The following AGPAT3 variants were observed in gnomAD, a reference collection of about 807,000 sequenced individuals.
AGPAT3 encodes 1-acylglycerol-3-phosphate O-acyltransferase 3.
A neutral mutation model predicts 47.3 loss-of-function variants in AGPAT3; 5 were observed. The observed-to-expected ratio is 0.11, with a 90% confidence interval of 0.06 to 0.22. The LOEUF (loss-of-function observed/expected upper bound fraction) is 0.22. Ranked by LOEUF, AGPAT3 falls within the 10% of genes least tolerant of loss-of-function variation. AGPAT3 has a pLI of 1.00. For synonymous variants in AGPAT3, 212 were observed against 208.3 expected (o/e 1.02, Z -0.15); for missense variants, 315 against 493.0 (o/e 0.64, Z 3.42).
In AGPAT3 at chr21:43,981,489, C is replaced by A. The variant is rs1483951609; in HGVS notation, c.1042+302C>A. The A allele has an allele frequency of 4.3e-6, 2 of 467,860 alleles. No individual in the cohort carries two copies. Among genetic ancestry groups the A allele is most frequent in the Non-Finnish European group, 7.9e-6 (2 of 254,594 alleles). The allele number at this position is 467,860 out of a possible 1,614,324, so 29.0% of individuals were successfully genotyped here. A position where few individuals can be genotyped will look rare whatever the true frequency, so the allele number is the denominator to read the frequency against. On this transcript the variant is annotated intron_variant, in intron 9 of 9. Coordinates refer to ENST00000291572, the MANE Select transcript of AGPAT3 (RefSeq NM_020132.5). The surrounding 1 kb of genome is among the most constrained non-coding windows in gnomAD (Gnocchi z 5.3). ...GGTCCCCGAGAGGGTCCCCAGCCCC[C>A]CTGTCTGCTTTTGGGCTCTTAGGGG...
chr21:43,880,446 G>A lies in AGPAT3; in HGVS notation c.-112+15101G>A, dbSNP rs1037180828. Among the ~76,000 whole-genome samples the A allele has an allele frequency of 1.3e-5, 2 of 152,240 alleles. No individual in the cohort carries two copies. The highest frequency in any genetic ancestry group is 2.4e-5 in the African/African-American group (1 of 41,458). On this transcript the variant is annotated intron_variant, in intron 1 of 9. Transcript: ENST00000291572. The surrounding 1 kb of genome is among the most constrained non-coding windows in gnomAD (Gnocchi z 4.5). The stretch of plus-strand genomic sequence containing the variant: ...TGCCTTTGTAAGTCACTGGCAGGAA[G>A]ATGGGAAAGGTGCTCTGCAGGTCTC...
At chr21:43,872,172 A>C (rs529620878) in intron 1 of AGPAT3, among the ~76,000 whole-genome samples, 60 of 151,276 alleles carry the variant, frequency 4.0e-4, no homozygotes, top group Middle Eastern at 3.4e-3. Flanking sequence ...TGCTTTTGTA[A>C]ATGGTGTTTT....
At chr21:43,895,164 G>C (rs1348862848) in intron 1 of AGPAT3, among the ~76,000 whole-genome samples, 1 of 151,644 alleles carries the variant, frequency 6.6e-6, no homozygotes, top group East Asian at 1.9e-4. Flanking sequence ...GAGTGCAGTG[G>C]TGCGATCTCG....
At chr21:43,928,254 G>A (rs1032996543) in intron 2 of AGPAT3, among the ~76,000 whole-genome samples, 2 of 152,242 alleles carry the variant, frequency 1.3e-5, no homozygotes, top group Non-Finnish European at 2.9e-5. Flanking sequence ...TCCGGGGCCT[G>A]CAGGTGTACC....
chr21:43,954,737 C>T lies in AGPAT3; in HGVS notation c.-48-4897C>T, dbSNP rs2088360623. ...GCTGAAGCCAGCCCCTCTGATCTGG[C>T]ACTGGCCGGCTCCATTCACCCTTTT... On this transcript the variant is annotated intron_variant, in intron 2 of 9. Transcript: ENST00000291572. This position sits in a 1 kb window ranked among gnomAD's most constrained non-coding sequence, Gnocchi z 4.0. 6.5e-6 allele frequency: 1 copy of T among 153,460 alleles called. No homozygotes were observed. Among genetic ancestry groups the T allele is most frequent in the Admixed American group, 6.5e-5 (1 of 15,316 alleles). 9.5% of individuals were successfully genotyped at this position (153,460 alleles called of 1,614,324 possible).
chr21:43,930,372 G>C lies in AGPAT3; in HGVS notation c.-49+26353G>C, dbSNP rs920807181. On this transcript the variant is annotated intron_variant, in intron 2 of 9. Transcript: ENST00000291572. This position sits in a 1 kb window ranked among gnomAD's most constrained non-coding sequence, Gnocchi z 5.0. ...TTTCAGAGGCAGTGGAGCTAGCGGG[G>C]CAGAGCTGTGCTGAGCGCTGAGGGA... Among the ~76,000 whole-genome samples, 1 of 152,172 alleles carries C rather than the reference G, an allele frequency of 6.6e-6. No homozygotes were observed. Among genetic ancestry groups the C allele is most frequent in the Non-Finnish European group, 1.5e-5 (1 of 68,024 alleles).
At chr21:43,882,481 C>T (rs972685766) in intron 1 of AGPAT3, 1 of 152,294 alleles carries the variant, frequency 6.6e-6, no homozygotes, top group African/African-American at 2.4e-5. Flanking sequence ...TTGGCCAAAG[C>T]AGGCTTCCTC....
At chr21:43,971,775 G>A (rs951634798) in intron 7 of AGPAT3, among the ~76,000 whole-genome samples, 1 of 152,230 alleles carries the variant, frequency 6.6e-6, no homozygotes, top group Non-Finnish European at 1.5e-5. Context: ...TTCCTTTGGG[G>A]AAATCATTGA....
chr21:43,921,579 T>C (rs17175686), intron 2 of AGPAT3, among the ~76,000 whole-genome samples: 6,822 of 152,134 alleles, frequency 0.045, 236 homozygotes, highest in South Asian at 0.064. Context: ...GAGCATTCTG[T>C]GTTGAGTGTT....
Position 43,982,498 on chromosome 21 carries a change from T to G in AGPAT3, c.*106T>G. 1.2e-6 allele frequency: 1 copy of G among 822,510 alleles called. No individual in the cohort carries two copies. Among genetic ancestry groups the G allele is most frequent in the South Asian group, 1.7e-5 (1 of 60,276 alleles). The allele number at this position is 822,510 out of a possible 1,614,324, so 51.0% of individuals were successfully genotyped here. On this transcript the variant is annotated 3_prime_UTR_variant, in exon 10 of 10. Coordinates refer to ENST00000291572, the MANE Select transcript of AGPAT3 (RefSeq NM_020132.5). This position sits in a 1 kb window ranked among gnomAD's most constrained non-coding sequence, Gnocchi z 6.2. ...GACAATTAGAAACTATTTTTCTTATTAACTGGTGACTAATATTAACAAAAC... is the reference window on the plus strand; with the variant it reads ...GACAATTAGAAACTATTTTTCTTATGAACTGGTGACTAATATTAACAAAAC...
At chr21:43,956,208 G>A (rs1569088910) in intron 2 of AGPAT3, among the ~76,000 whole-genome samples, 2 of 152,194 alleles carry the variant, frequency 1.3e-5, no homozygotes, top group African/African-American at 2.4e-5. Flanking sequence ...CAAGAAAGGC[G>A]TTCTGAAACA....
At chr21:43,918,101 G>GTGGGTGTTGTGTTA (rs1569063531) in intron 2 of AGPAT3, among the ~76,000 whole-genome samples, 1 of 120,256 alleles carries the variant, frequency 8.3e-6, no homozygotes, top group African/African-American at 3.1e-5. Flanking sequence ...GTGTTGTGTT[G>GTGGGTGTTGTGTTA]TGGGTGTTGT....
chr21:43,978,083 G>A lies in AGPAT3; in HGVS notation c.805G>A (p.Glu269Lys), dbSNP rs770183276. Reference protein sequence around the residue: ...PLEDIPLDEKEAAQWLHKLYQ... With the variant: ...PLEDIPLDEKKAAQWLHKLYQ... ...GGAAGACATCCCGCTGGATGAAAAG[G>A]AAGCAGCTCAGTGGCTTCATAAACT... The change falls in exon 8 of 10, where the codon GAA (glutamate) becomes AAA (lysine). Residue 269 changes from glutamate to lysine, a missense_variant. Glu to Lys is a moderately conservative substitution (Grantham distance 56). Transcript: ENST00000291572. The A allele has an allele frequency of 2.2e-5, 35 of 1,613,720 alleles. No homozygotes were observed. The highest frequency in any genetic ancestry group is 2.9e-5 in the Non-Finnish European group (34 of 1,179,938).
chr21:43,880,000 C>G lies in AGPAT3; in HGVS notation c.-112+14655C>G, dbSNP rs528172213. 3.9e-5 allele frequency among the ~76,000 whole-genome samples: 6 copies of G among 152,302 alleles called. No homozygotes were observed. In the East Asian group the frequency reaches 1.2e-3, roughly 29 times the overall value. Reference sequence around the variant, plus strand: ...GAGAAGACGTGGGTTCTGCCCGTCTCTGTTACTGTTTATTCTTGAAGAACA... The same window carrying G: ...GAGAAGACGTGGGTTCTGCCCGTCTGTGTTACTGTTTATTCTTGAAGAACA... On this transcript the variant is annotated intron_variant, in intron 1 of 9. Transcript: ENST00000291572.
intron 1 of AGPAT3, among the ~76,000 whole-genome samples, chr21:43,883,161 C>T (rs1247811320): frequency 6.6e-6 from 1 of 152,190 alleles, no homozygotes; most frequent in Non-Finnish European, 1.5e-5. Flanking sequence ...AGCCTCCTGC[C>T]CGGGTCACTC....
Position 43,981,219 on chromosome 21 carries a change from C to T in AGPAT3, c.1042+32C>T, listed in dbSNP as rs2089837952. 2.5e-6 allele frequency: 4 copies of T among 1,607,874 alleles called. No homozygotes were observed. The East Asian group carries it at 8.9e-5, about 36-fold the overall frequency. On this transcript the variant is annotated intron_variant, in intron 9 of 9. Transcript: ENST00000291572. The surrounding 1 kb of genome is among the most constrained non-coding windows in gnomAD (Gnocchi z 5.3). Reference sequence around the variant, plus strand: ...GACACTGTCGCTAACAGCTCACACTCTGACGGGCCTCACAGTATCAGCCAC... The same window carrying T: ...GACACTGTCGCTAACAGCTCACACTTTGACGGGCCTCACAGTATCAGCCAC...
At chr21:43,931,968 TAC>T (rs1455302416) in intron 2 of AGPAT3, among the ~76,000 whole-genome samples, 1 of 149,302 alleles carries the variant, frequency 6.7e-6, no homozygotes, top group East Asian at 2.0e-4. Flanking sequence ...TGTGTGTGTC[TAC>T]CTACCTACTA....
At chr21:43,887,851 G>T (rs890984624) in intron 1 of AGPAT3, among the ~76,000 whole-genome samples, 2 of 152,100 alleles carry the variant, frequency 1.3e-5, no homozygotes, top group African/African-American at 4.8e-5. Context: ...ACTGGGTTTC[G>T]CCATGTTGGC....
intron 1 of AGPAT3, among the ~76,000 whole-genome samples, chr21:43,889,261 C>T (rs568054815): frequency 1.3e-5 from 2 of 150,116 alleles, no homozygotes; most frequent in East Asian, 1.9e-4. Flanking sequence ...CCTTGTTACA[C>T]TGCTAAGTGA....
Sources: allele counts gnomAD v4.1 joint callset (sites outside exome capture counted in the v4.1 genomes callset), GRCh38; gene constraint gnomAD v4.1.1; non-coding constraint Gnocchi (gnomAD v3.1); transcripts MANE v1.5; gene names NCBI Gene and HGNC (gene_info 2026-07-23, HGNC 2026-07-21).